Variants in USP31 observed in about 807,000 individuals in gnomAD.
USP31 encodes ubiquitin carboxyl-terminal hydrolase 31.
In USP31, 44 loss-of-function variants were observed where a neutral mutation model predicts 119.4. The ratio of observed to expected loss-of-function variants is 0.37; its 90% CI spans 0.29 to 0.47. The LOEUF (loss-of-function observed/expected upper bound fraction) is 0.47. Ranked by LOEUF, USP31 falls within the 20% of genes least tolerant of loss-of-function variation. USP31 has a pLI of 0.99. For missense variants in USP31, 1,643 were observed against 1,730.2 expected (o/e 0.95, Z 0.89); for synonymous variants, 749 against 705.6 (o/e 1.06, Z -0.97).
chr16:23,083,149 C>T (rs1900913711), intron 11 of USP31, among the ~76,000 whole-genome samples: 1 of 152,094 alleles, frequency 6.6e-6, no homozygotes, highest in South Asian at 2.1e-4. Flanking sequence ...TTTCTATGTG[C>T]CATGCACTGC....
Position 23,106,470 on chromosome 16 carries a change from A to T in USP31, c.789T>A (p.Asp263Glu). ...QPPLKPPSETDMMPEGPSFPV... is the reference protein window; with the variant it reads ...QPPLKPPSETEMMPEGPSFPV... ...GGAAAGATGGTCCCTCAGGCATCAT[A>T]TCAGTCTCTGATGGTGGCTAAAAAA... Residue 263 changes from aspartate to glutamate, a missense_variant, in exon 3 of 16, where the codon GAT becomes GAA. By Grantham distance (45) the Asp-to-Glu change is conservative. Transcript: ENST00000219689. 1 of 1,613,156 alleles carries T rather than the reference A, an allele frequency of 6.2e-7. No individual in the cohort carries two copies. Among genetic ancestry groups the T allele is most frequent in the South Asian group, 1.1e-5 (1 of 90,770 alleles).
At chr16:23,148,107 C>T (rs1903580122) in intron 1 of USP31, among the ~76,000 whole-genome samples, 1 of 152,104 alleles carries the variant, frequency 6.6e-6, no homozygotes, top group Admixed American at 6.5e-5. Context: ...AGGTTGAACC[C>T]TATAAAAGTG....
chr16:23,069,742 G>T, intron 15 of USP31, 126 bp from the exon 16 acceptor site: 2 of 1,275,000 alleles, frequency 1.6e-6, no homozygotes, highest in Non-Finnish European at 2.1e-6. Flanking sequence ...TTCAGAGCCA[G>T]CCCATCTGGG....
intron 1 of USP31, among the ~76,000 whole-genome samples, chr16:23,134,175 T>C (rs1290977615): frequency 6.6e-6 from 1 of 152,076 alleles, no homozygotes; most frequent in Non-Finnish European, 1.5e-5. Flanking sequence ...TTCTAAAATT[T>C]AGAGAAACTT....
Position 23,090,678 on chromosome 16 carries a change from T to C in USP31, c.1361A>G (p.Asp454Gly), listed in dbSNP as rs1901319341. The C allele has an allele frequency of 1.9e-6, 3 of 1,614,176 alleles. No individual in the cohort carries two copies. The highest frequency in any genetic ancestry group is 2.5e-6 in the Non-Finnish European group (3 of 1,179,996). ...GTTACACACCAACAGGACAATCTTG[T>C]CGCTGCCTGCTCTTGATGTGGGAGA... Reference protein sequence around the residue: ...MDSPTSRAGSDKIVLLVCNRA... With the variant: ...MDSPTSRAGSGKIVLLVCNRA... The change falls in exon 7 of 16, where the codon GAC becomes GGC. Residue 454 changes from aspartate (D) to glycine (G), a missense_variant. Around this residue, in one of 5 missense-constraint regions of USP31, gnomAD observed 219 missense variants for 226.4 expected, o/e 0.97. Transcript: ENST00000219689.
intron 6 of USP31, among the ~76,000 whole-genome samples, chr16:23,093,450 A>G (rs1901460779): frequency 6.6e-6 from 1 of 152,242 alleles, no homozygotes; most frequent in South Asian, 2.1e-4. Flanking sequence ...ATCATTTACT[A>G]TTAGAGAAAT....
chr16:23,138,296 C>T (rs906432902), intron 1 of USP31, among the ~76,000 whole-genome samples: 5 of 152,146 alleles, frequency 3.3e-5, no homozygotes, highest in Non-Finnish European at 5.9e-5. Flanking sequence ...CATGGGACCA[C>T]AAATAAAACA....
At chr16:23,072,228 G>T (rs745945486) in intron 14 of USP31, 31 bp from the exon 15 acceptor site, 18 of 1,591,384 alleles carry the variant, frequency 1.1e-5, no homozygotes, top group Non-Finnish European at 1.5e-5. Context: ...ATAGAGGTCA[G>T]GCTGGGGTCC....
chr16:23,097,489 T>C (rs1901662979), intron 6 of USP31, among the ~76,000 whole-genome samples: 1 of 152,200 alleles, frequency 6.6e-6, no homozygotes, highest in African/African-American at 2.4e-5. Flanking sequence ...GCCAGCATCA[T>C]CCTGATACCA....
At position 23,079,930 on chromosome 16, in the gene USP31, C is replaced by T; in HGVS notation, c.2176+16G>A. ...GGACTCGCCAGCACAGACACGCAGC[C>T]TCTCACACTGCAGACCTGTGTAGTG... On this transcript the variant is annotated intron_variant, in intron 13 of 15. Transcript: ENST00000219689. The T allele has an allele frequency of 1.3e-6, 2 of 1,583,868 alleles. No homozygotes were observed. Among genetic ancestry groups the T allele is most frequent in the African/African-American group, 1.4e-5 (1 of 73,046 alleles).
In USP31 at chr16:23,068,308, G is replaced by A; in HGVS notation, c.3797C>T (p.Thr1266Ile). 1 of 1,613,982 alleles carries A rather than the reference G, an allele frequency of 6.2e-7. No homozygotes were observed. The highest frequency in any genetic ancestry group is 8.5e-7 in the Non-Finnish European group (1 of 1,179,870). The change falls in exon 16 of 16, where the codon ACC becomes ATC. Residue 1266 changes from threonine to isoleucine, a missense_variant. Physicochemically the swap from Thr to Ile is moderately conservative, Grantham distance 89. Transcript: ENST00000219689. ...GSSVKSVCKN[T>I]GDDEAERGHQ... ...GCCTCTCTCTGCCTCGTCGTCCCCG[G>A]TGTTCTTACAGACAGACTTAACAGA...
At chr16:23,122,671 T>C (rs186336516) in intron 1 of USP31, among the ~76,000 whole-genome samples, 169 of 152,214 alleles carry the variant, frequency 1.1e-3, no homozygotes, top group African/African-American at 3.9e-3. Flanking sequence ...ATCTTGAAAA[T>C]ACCATGCTAA....
intron 1 of USP31, among the ~76,000 whole-genome samples, chr16:23,113,981 T>C (rs1017793637): frequency 6.6e-6 from 1 of 152,076 alleles, no homozygotes; most frequent in Non-Finnish European, 1.5e-5. Context: ...GGTAGGCGCC[T>C]GTAATCCCAG....
chr16:23,148,515 C>G, intron 1 of USP31, 123 bp downstream of exon 1: 1 of 1,306,184 alleles, frequency 7.7e-7, no homozygotes, highest in East Asian at 3.1e-5. Flanking sequence ...ACTGCCCAGA[C>G]CACTCGGAGC....
intron 10 of USP31, among the ~76,000 whole-genome samples, chr16:23,085,358 C>A (rs895469040): frequency 6.6e-6 from 1 of 152,158 alleles, no homozygotes; most frequent in African/African-American, 2.4e-5. Flanking sequence ...GAGTATACAG[C>A]TTCTCTTTCA....
chr16:23,103,824 A>G (rs979035239), intron 5 of USP31, among the ~76,000 whole-genome samples: 12 of 152,160 alleles, frequency 7.9e-5, no homozygotes, highest in Non-Finnish European at 1.3e-4. Flanking sequence ...CTGAGGTGGG[A>G]GGACTGCTTG....
rs143223543 is a variant in USP31, at chr16:23,129,746, A to T, written c.633+18892T>A. Among the ~76,000 whole-genome samples, 1,412 of 152,298 alleles carry T rather than the reference A, an allele frequency of 9.3e-3. 18 individuals carry two copies. The highest frequency in any genetic ancestry group is 0.03 in the African/African-American group (1,227 of 41,564). ...GTGAGAAGTGTACAAGTACTTTAAC[A>T]TGGTTCCATGTAAAATGTTATCTGC... On this transcript the variant is annotated intron_variant, in intron 1 of 15. Coordinates refer to ENST00000219689, the MANE Select transcript of USP31 (RefSeq NM_020718.4).
At chr16:23,077,775 G>A (rs1056671347) in intron 13 of USP31, among the ~76,000 whole-genome samples, 2 of 152,082 alleles carry the variant, frequency 1.3e-5, no homozygotes, top group African/African-American at 2.4e-5. Flanking sequence ...TCACATCAAC[G>A]AATAAAGCCC....
intron 13 of USP31, 88 bp from the exon 14 acceptor site, chr16:23,073,968 A>C (rs1900455225): frequency 1.3e-6 from 2 of 1,573,560 alleles, no homozygotes; most frequent in Non-Finnish European, 1.7e-6. Flanking sequence ...TGGCTCATCT[A>C]ATTAACTCAA....
Sources: gnomAD v4.1 joint callset for allele counts (sites outside exome capture counted in the v4.1 genomes callset) on GRCh38, gnomAD v4.1.1 for gene constraint, gnomAD v4.1.1 regional missense constraint, MANE v1.5 for transcripts, NCBI Gene and HGNC (gene_info 2026-07-23, HGNC 2026-07-21) for gene names.